The following SLC7A2 variants were observed in gnomAD, a reference collection of about 807,000 sequenced individuals.
SLC7A2 encodes the protein cationic amino acid transporter 2.
Under a neutral mutation model 58.9 loss-of-function variants are expected in SLC7A2, and 48 were observed. The observed-to-expected ratio is 0.82, with a 90% CI of 0.65 to 1.04. The LOEUF is 1.04. Ranked by LOEUF, SLC7A2 falls within the 50% of genes least tolerant of loss-of-function variation. SLC7A2 has a pLI of 0.00. For missense variants in SLC7A2, 1,029 were observed against 818.8 expected (o/e 1.26, Z -3.13); for synonymous variants, 363 against 314.5 (o/e 1.15, Z -1.63).
intron 2 of SLC7A2, among the ~76,000 whole-genome samples, chr8:17,531,725 G>C (rs1047341719): frequency 6.6e-6 from 1 of 151,696 alleles, no homozygotes; most frequent in African/African-American, 2.4e-5. Flanking sequence ...TTATTTTAAG[G>C]GTTTTTTTTT....
chr8:17,501,145 C>G (rs930898239), intron 1 of SLC7A2, among the ~76,000 whole-genome samples: 2 of 151,984 alleles, frequency 1.3e-5, no homozygotes, highest in Non-Finnish European at 2.9e-5. Context: ...TCCCGAGTAG[C>G]TGGGATTACA....
intron 2 of SLC7A2, among the ~76,000 whole-genome samples, chr8:17,522,318 A>T (rs952242240): frequency 5.9e-5 from 9 of 152,124 alleles, no homozygotes; most frequent in African/African-American, 2.2e-4. Flanking sequence ...CCCATGATTC[A>T]GTTGTCTCCC....
At chr8:17,501,738 TA>T (rs547428322) in intron 1 of SLC7A2, among the ~76,000 whole-genome samples, 1 of 152,016 alleles carries the variant, frequency 6.6e-6, no homozygotes, top group Admixed American at 6.6e-5. Context: ...TAAAATGAGA[TA>T]AAAAAATGAA....
intron 2 of SLC7A2, among the ~76,000 whole-genome samples, chr8:17,541,285 A>G (rs1801901322): frequency 6.6e-6 from 1 of 152,186 alleles, no homozygotes; most frequent in Non-Finnish European, 1.5e-5. Context: ...TTCTAGATAT[A>G]TGAGAAAGGG....
At position 17,543,358 on chromosome 8, in the gene SLC7A2, G is replaced by T. The variant is rs149187759; in HGVS notation, c.19G>T (p.Ala7Ser). ...CGTCAGAATGATTCCTTGCAGAGCCGCGCTGACCTTTGCCCGATGTCTGAT... is the reference window on the plus strand; with the variant it reads ...CGTCAGAATGATTCCTTGCAGAGCCTCGCTGACCTTTGCCCGATGTCTGAT... MIPCRA[A>S]LTFARCLIRR... The change falls in exon 3 of 13, where the codon GCG becomes TCG. Residue 7 changes from alanine to serine, a missense_variant. Physicochemically the swap from Ala to Ser is moderately conservative, Grantham distance 99. Transcript: ENST00000494857. 6 of 1,613,798 alleles carry T rather than the reference G, an allele frequency of 3.7e-6. 1 individual carries two copies. The South Asian group carries it at 6.6e-5, about 18-fold the overall frequency.
rs752714620 is a variant in SLC7A2 at position 17,548,731 on chromosome 8, G to A, written c.586G>A (p.Ala196Thr). The A allele has an allele frequency of 1.2e-6, 2 of 1,613,570 alleles. No individual in the cohort carries two copies. The highest frequency in any genetic ancestry group is 1.3e-5 in the African/African-American group (1 of 74,896). Residue 196 changes from alanine (A) to threonine (T), a missense_variant, in exon 5 of 13, where the codon GCT becomes ACT. Coordinates refer to ENST00000494857, the MANE Select transcript of SLC7A2 (RefSeq NM_001370338.1). The part of the protein sequence containing the change: ...ESAWVNKVFT[A>T]VNILVLLFVM... ...TGCTTGGGTGAATAAAGTCTTCACA[G>A]CTGTTAATATTCTCGTCCTTCTGTT...
chr8:17,543,238 T>G, intron 2 of SLC7A2, 80 bp from the exon 3 acceptor site: 2 of 1,296,124 alleles, frequency 1.5e-6, no homozygotes, highest in Non-Finnish European at 2.2e-6. Flanking sequence ...ACACATACTC[T>G]AATTGTGCCT....
rs747300132 is a variant in SLC7A2 at position 17,558,369 on chromosome 8, C to G, written c.1270C>G (p.Leu424Val). ...CATTGGCACACTCATGGCCTACTCT[C>G]TGGTGGCAGCCTGTGTTCTCATCCT... ...MSIGTLMAYS[L>V]VAACVLILRY... The change falls in exon 9 of 13, where the codon CTG (leucine) becomes GTG (valine). Residue 424 changes from leucine to valine, a missense_variant. By Grantham distance (32) the Leu-to-Val change is conservative. Coordinates refer to ENST00000494857, the MANE Select transcript of SLC7A2 (RefSeq NM_001370338.1). 9.9e-6 allele frequency: 16 copies of G among 1,613,014 alleles called. No homozygotes were observed. The highest frequency in any genetic ancestry group is 3.3e-5 in the Admixed American group (2 of 59,938).
intron 2 of SLC7A2, among the ~76,000 whole-genome samples, chr8:17,515,881 A>G (rs1800784830): frequency 6.6e-6 from 1 of 152,206 alleles, no homozygotes; most frequent in African/African-American, 2.4e-5. Context: ...TGATAGCTTT[A>G]GTGGTGGCAG....
At chr8:17,504,733 A>T (rs997223456) in intron 2 of SLC7A2, among the ~76,000 whole-genome samples, 1 of 152,256 alleles carries the variant, frequency 6.6e-6, no homozygotes, top group African/African-American at 2.4e-5. Context: ...CTTAAGCGCC[A>T]TACTGTTTGA....
At chr8:17,520,321 G>GCA (rs1800963697) in intron 2 of SLC7A2, among the ~76,000 whole-genome samples, 1 of 152,042 alleles carries the variant, frequency 6.6e-6, no homozygotes, top group Non-Finnish European at 1.5e-5. Context: ...TACATAAAAT[G>GCA]CACACACACG....
Position 17,558,313 on chromosome 8 carries a change from T to G in SLC7A2, c.1214T>G (p.Phe405Cys), listed in dbSNP as rs752385316. The part of the protein sequence containing the change: ...GAVAALMAFL[F>C]DLKALVDMMS... ...CCCCTAGCTTTGATGGCCTTTCTGTTTGACCTGAAGGCGCTTGTGGACATG... is the reference window on the plus strand; with the variant it reads ...CCCCTAGCTTTGATGGCCTTTCTGTGTGACCTGAAGGCGCTTGTGGACATG... The change falls in exon 9 of 13, where the codon TTT becomes TGT. Residue 405 changes from phenylalanine (F) to cysteine (C), a missense_variant. Physicochemically the swap from Phe to Cys is radical, Grantham distance 205. Coordinates refer to ENST00000494857, the MANE Select transcript of SLC7A2 (RefSeq NM_001370338.1). 5.0e-6 allele frequency: 8 copies of G among 1,612,986 alleles called. No homozygotes were observed. Among genetic ancestry groups the G allele is most frequent in the East Asian group, 4.5e-5 (2 of 44,856 alleles).
chr8:17,495,956 A>T (rs1799947353), upstream of SLC7A2, among the ~76,000 whole-genome samples: 2 of 152,196 alleles, frequency 1.3e-5, 1 homozygote, highest in South Asian at 4.1e-4. Context: ...TTATTAGATG[A>T]TCTTGGGGAT....
rs543611773 is a variant in SLC7A2 at position 17,546,914 on chromosome 8, G to C, written c.533-1764G>C. Among the ~76,000 whole-genome samples the C allele has an allele frequency of 9.7e-4, 147 of 152,034 alleles. 1 individual carries two copies. Among genetic ancestry groups the C allele is most frequent in the Admixed American group, 4.7e-3 (72 of 15,266 alleles). ...GATATACATATGATAAATATAATTA[G>C]AAAAATACTAGAAGGAAGCAAAGTA... On this transcript the variant is annotated intron_variant, in intron 4 of 12. Coordinates refer to ENST00000494857, the MANE Select transcript of SLC7A2 (RefSeq NM_001370338.1).
At chr8:17,557,275 T>G (rs1802751674) in intron 8 of SLC7A2, among the ~76,000 whole-genome samples, 1 of 152,244 alleles carries the variant, frequency 6.6e-6, no homozygotes, top group South Asian at 2.1e-4. Context: ...AACTATATGC[T>G]AAATTCAAGT....
intron 2 of SLC7A2, among the ~76,000 whole-genome samples, chr8:17,533,537 G>A (rs1331514666): frequency 2.6e-5 from 4 of 152,164 alleles, no homozygotes; most frequent in Admixed American, 2.6e-4. Context: ...TACGGGGTGG[G>A]TGCAGGGTGG....
intron 8 of SLC7A2, among the ~76,000 whole-genome samples, chr8:17,556,672 G>A (rs538629351): frequency 3.0e-4 from 45 of 151,820 alleles, no homozygotes; most frequent in Admixed American, 1.8e-3. Context: ...GTAGTGGCAC[G>A]ATCTTGGCTC....
chr8:17,528,449 A>G (rs1457063308), intron 2 of SLC7A2, among the ~76,000 whole-genome samples: 1 of 151,988 alleles, frequency 6.6e-6, no homozygotes, highest in Admixed American at 6.6e-5. Flanking sequence ...CAGTGGCATG[A>G]TTATGGCTCA....
At chr8:17,501,281 T>C (rs1275520060) in intron 1 of SLC7A2, among the ~76,000 whole-genome samples, 25 of 152,186 alleles carry the variant, frequency 1.6e-4, no homozygotes, top group Admixed American at 2.6e-4. Flanking sequence ...TCCAAAGTCC[T>C]GGGATTACAG....
Sources: allele counts gnomAD v4.1 joint callset (sites outside exome capture counted in the v4.1 genomes callset), GRCh38; gene constraint gnomAD v4.1.1; transcripts MANE v1.5; gene names NCBI Gene and HGNC (gene_info 2026-07-23, HGNC 2026-07-21).